Variants in SPPL3 observed in about 807,000 individuals in gnomAD.
SPPL3 encodes signal peptide peptidase-like 3.
A neutral mutation model predicts 42.4 loss-of-function variants in SPPL3; 5 were observed. The observed-to-expected ratio is 0.12, with a 90% CI of 0.06 to 0.25. The LOEUF (loss-of-function observed/expected upper bound fraction) is 0.25. SPPL3 is among the 10% of genes least tolerant of loss of function. The pLI, the probability that SPPL3 is intolerant of heterozygous loss-of-function variation, is 1.00. For synonymous variants in SPPL3, 195 were observed against 181.8 expected (o/e 1.07, Z -0.58); for missense variants, 235 against 489.0 (o/e 0.48, Z 4.90).
chr12:120,799,473 C>A (rs1289278475), intron 2 of SPPL3, among the ~76,000 whole-genome samples: 1 of 152,144 alleles, frequency 6.6e-6, no homozygotes, highest in African/African-American at 2.4e-5. Context: ...TAGTGGTCAA[C>A]TTCAAACCAG....
chr12:120,779,865 G>A (rs1869463951), intron 6 of SPPL3, among the ~76,000 whole-genome samples: 1 of 149,506 alleles, frequency 6.7e-6, no homozygotes, highest in African/African-American at 2.5e-5. Flanking sequence ...AGGTGTGGTG[G>A]TGGGCACCTG....
chr12:120,780,719 C>T (rs943164719), intron 6 of SPPL3, among the ~76,000 whole-genome samples: 21 of 149,512 alleles, frequency 1.4e-4, no homozygotes, highest in Middle Eastern at 6.8e-3. Flanking sequence ...GAAACCCCGT[C>T]TCTACTAAAA....
chr12:120,813,120 A>G (rs953171524), intron 1 of SPPL3, among the ~76,000 whole-genome samples: 1 of 151,966 alleles, frequency 6.6e-6, no homozygotes, highest in Non-Finnish European at 1.5e-5. Flanking sequence ...GGGAGGTCTT[A>G]AAAGATTATC....
chr12:120,898,339 G>A (rs1873876614), intron 1 of SPPL3, among the ~76,000 whole-genome samples: 1 of 139,040 alleles, frequency 7.2e-6, no homozygotes, highest in Non-Finnish European at 1.5e-5. Context: ...AAAAAAAGAT[G>A]GGTAGCACAG....
intron 1 of SPPL3, among the ~76,000 whole-genome samples, chr12:120,875,357 T>C (rs1566066872): frequency 1.3e-5 from 2 of 152,334 alleles, no homozygotes; most frequent in East Asian, 1.9e-4. Flanking sequence ...GTGATGAAGA[T>C]GCATACTATA....
intron 3 of SPPL3, among the ~76,000 whole-genome samples, chr12:120,788,435 C>G (rs1287613072): frequency 6.6e-6 from 1 of 152,172 alleles, no homozygotes; most frequent in African/African-American, 2.4e-5. Context: ...CTTTCAATTA[C>G]AAACTGATTT....
intron 1 of SPPL3, among the ~76,000 whole-genome samples, chr12:120,889,128 T>C (rs377410405): frequency 6.6e-6 from 1 of 152,218 alleles, no homozygotes; most frequent in African/African-American, 2.4e-5. Context: ...AATTATATCT[T>C]TCAAAAGCTA....
chr12:120,768,400 C>T lies in SPPL3; in HGVS notation c.698G>A (p.Arg233Gln). ...AACATTGGGCCCCAGGTGGAGCTTC[C>T]GGGATAGAACGTCAAGGGGATTGTC... ...PADNPLDVLS[R>Q]KLHLGPNVGR... is the part of the protein sequence containing the mutation. The change falls in exon 8 of 11, where the codon CGG becomes CAG. Residue 233 changes from arginine to glutamine, a missense_variant. Around this residue, in one of 6 missense-constraint regions of SPPL3, gnomAD observed 20 missense variants for 28.2 expected, o/e 0.71. Transcript: ENST00000353487. 1.2e-6 allele frequency: 2 copies of T among 1,614,138 alleles called. No individual in the cohort carries two copies. The highest frequency in any genetic ancestry group is 1.7e-6 in the Non-Finnish European group (2 of 1,180,006).
intron 1 of SPPL3, among the ~76,000 whole-genome samples, chr12:120,852,332 T>C (rs1872256150): frequency 6.8e-6 from 1 of 146,396 alleles, no homozygotes; most frequent in African/African-American, 2.5e-5. Flanking sequence ...TCATATATAT[T>C]AATTTATATA....
At chr12:120,797,534 G>A (rs1296249588) in intron 2 of SPPL3, among the ~76,000 whole-genome samples, 2 of 152,048 alleles carry the variant, frequency 1.3e-5, no homozygotes, top group Non-Finnish European at 2.9e-5. Context: ...GTTTCATGTG[G>A]GATGGTAATT....
intron 1 of SPPL3, among the ~76,000 whole-genome samples, chr12:120,831,556 AGGATACCT>A (rs1871426391): frequency 6.6e-6 from 1 of 152,228 alleles, no homozygotes; most frequent in Non-Finnish European, 1.5e-5. Context: ...AGCAGAGGTT[AGGATACCT>A]TGGGAATTCA....
At chr12:120,880,149 G>A (rs1392569870) in intron 1 of SPPL3, among the ~76,000 whole-genome samples, 1 of 151,704 alleles carries the variant, frequency 6.6e-6, no homozygotes, top group Non-Finnish European at 1.5e-5. Context: ...CTGGGGCTGA[G>A]ACACATTATT....
At chr12:120,865,275 G>A (rs528252204) in intron 1 of SPPL3, among the ~76,000 whole-genome samples, 23 of 152,216 alleles carry the variant, frequency 1.5e-4, no homozygotes, top group African/African-American at 4.8e-4. Flanking sequence ...GTTACCTCAC[G>A]CTCATAGCGA....
chr12:120,841,912 G>A (rs536190209), intron 1 of SPPL3, among the ~76,000 whole-genome samples: 3 of 152,202 alleles, frequency 2.0e-5, no homozygotes, highest in Admixed American at 6.5e-5. Flanking sequence ...TCAATAGCCC[G>A]AGTCACAGGA....
At chr12:120,819,944 A>G (rs557500665) in intron 1 of SPPL3, among the ~76,000 whole-genome samples, 1 of 152,268 alleles carries the variant, frequency 6.6e-6, no homozygotes, top group South Asian at 2.1e-4. Context: ...CTTTGCCACC[A>G]TGAGAAAAAA....
At chr12:120,824,034 C>A (rs563568987) in intron 1 of SPPL3, among the ~76,000 whole-genome samples, 1 of 152,144 alleles carries the variant, frequency 6.6e-6, no homozygotes, top group South Asian at 2.1e-4. Flanking sequence ...CCAAGCCCAG[C>A]TAATTTTTTC....
chr12:120,875,748 T>A (rs1005976464), intron 1 of SPPL3, among the ~76,000 whole-genome samples: 1 of 151,844 alleles, frequency 6.6e-6, no homozygotes, highest in African/African-American at 2.4e-5. Context: ...AATTTTAACA[T>A]AAGCATATCA....
intron 1 of SPPL3, among the ~76,000 whole-genome samples, chr12:120,886,920 A>G (rs183685620): frequency 1.3e-5 from 2 of 152,256 alleles, no homozygotes; most frequent in Admixed American, 6.5e-5. Flanking sequence ...TCTTGTACTA[A>G]AAAAAGTTAA....
At chr12:120,874,727 T>C (rs140720676) in intron 1 of SPPL3, among the ~76,000 whole-genome samples, 2 of 151,980 alleles carry the variant, frequency 1.3e-5, no homozygotes, top group East Asian at 3.9e-4. Context: ...GTGTGTGTGA[T>C]GTGGGGGAGA....
Sources: gnomAD v4.1 joint callset for allele counts (sites outside exome capture counted in the v4.1 genomes callset) on GRCh38, gnomAD v4.1.1 for gene constraint, gnomAD v4.1.1 regional missense constraint, MANE v1.5 for transcripts, NCBI Gene and HGNC (gene_info 2026-07-23, HGNC 2026-07-21) for gene names.